The following SLC49A4 variants were observed in gnomAD, a reference collection of about 807,000 sequenced individuals.
The protein encoded by SLC49A4 is disrupted in renal cancer protein 2.
A neutral mutation model predicts 50.6 loss-of-function variants in SLC49A4; 36 were observed. The ratio of observed to expected loss-of-function variants is 0.71; its 90% CI spans 0.55 to 0.94. The LOEUF (loss-of-function observed/expected upper bound fraction) is 0.94. Among genes scored for constraint, SLC49A4 ranks in the 40% least tolerant of loss-of-function variants. The pLI, the probability that SLC49A4 is intolerant of heterozygous loss-of-function variation, is 0.00. For synonymous variants in SLC49A4, 248 were observed against 241.2 expected (o/e 1.03, Z -0.26); for missense variants, 503 against 605.7 (o/e 0.83, Z 1.78).
intron 4 of SLC49A4, among the ~76,000 whole-genome samples, chr3:122,844,899 A>G (rs931663429): frequency 6.6e-6 from 1 of 151,998 alleles, no homozygotes; most frequent in Non-Finnish European, 1.5e-5. Flanking sequence ...ACCTGTACAT[A>G]CACATATTGT....
At chr3:122,810,324 T>C (rs1489185477) in intron 2 of SLC49A4, among the ~76,000 whole-genome samples, 1 of 152,208 alleles carries the variant, frequency 6.6e-6, no homozygotes, top group East Asian at 1.9e-4. Context: ...TATAACATCT[T>C]AGATAAATAA....
intron 4 of SLC49A4, among the ~76,000 whole-genome samples, chr3:122,840,524 A>G (rs1208080760): frequency 6.6e-6 from 1 of 152,206 alleles, no homozygotes; most frequent in Non-Finnish European, 1.5e-5. Context: ...GTTCTAAGAA[A>G]TGAGTAAAAT....
chr3:122,867,657 C>T (rs2107582319), intron 7 of SLC49A4, among the ~76,000 whole-genome samples: 1 of 152,252 alleles, frequency 6.6e-6, no homozygotes, highest in South Asian at 2.1e-4. Context: ...ACCACTGATC[C>T]CCAAAGTTTT....
chr3:122,826,946 C>T lies in SLC49A4; in HGVS notation c.584C>T (p.Ala195Val). 1 of 1,614,232 alleles carries T rather than the reference C, an allele frequency of 6.2e-7. No homozygotes were observed. Among genetic ancestry groups the T allele is most frequent in the South Asian group, 1.1e-5 (1 of 91,086 alleles). The change falls in exon 3 of 9, where the codon GCA becomes GTA. Residue 195 changes from alanine (A) to valine (V), a missense_variant. Transcript: ENST00000261038. ...IASMLSYLGG[A>V]CAFLVGPLVV... ...TCAATGCTCAGTTATCTTGGGGGAGCATGTGCATTTTTAGTTGGACCACTT... is the reference window on the plus strand; with the variant it reads ...TCAATGCTCAGTTATCTTGGGGGAGTATGTGCATTTTTAGTTGGACCACTT...
intron 4 of SLC49A4, among the ~76,000 whole-genome samples, chr3:122,841,629 C>G (rs1936771286): frequency 6.6e-6 from 1 of 152,206 alleles, no homozygotes; most frequent in Non-Finnish European, 1.5e-5. Context: ...ATTAAAAACT[C>G]AGTTCCTTGG....
intron 5 of SLC49A4, among the ~76,000 whole-genome samples, chr3:122,849,001 A>G (rs1315739143): frequency 6.6e-6 from 1 of 152,172 alleles, no homozygotes; most frequent in Non-Finnish European, 1.5e-5. Context: ...CTATCATTCT[A>G]CATTCTGCTT....
chr3:122,835,846 TA>T (rs1159306769), intron 4 of SLC49A4, among the ~76,000 whole-genome samples: 1 of 152,082 alleles, frequency 6.6e-6, no homozygotes. Flanking sequence ...ATCATATACC[TA>T]AAAAACCCTA....
At chr3:122,800,149 TAA>T (rs1936110440) in intron 1 of SLC49A4, among the ~76,000 whole-genome samples, 1 of 152,086 alleles carries the variant, frequency 6.6e-6, no homozygotes, top group Non-Finnish European at 1.5e-5. Context: ...AAGAAAAATA[TAA>T]AAAGTGTCTT....
At chr3:122,796,426 C>T (rs909230556) in intron 1 of SLC49A4, among the ~76,000 whole-genome samples, 3 of 152,154 alleles carry the variant, frequency 2.0e-5, no homozygotes, top group Non-Finnish European at 2.9e-5. Context: ...TCCACTGGAG[C>T]TGCTATAACA....
chr3:122,803,683 G>C (rs1420885637), intron 1 of SLC49A4, among the ~76,000 whole-genome samples: 1 of 152,186 alleles, frequency 6.6e-6, no homozygotes, highest in Non-Finnish European at 1.5e-5. Flanking sequence ...GCCTGTTGCT[G>C]ATTTTCCATG....
At chr3:122,796,178 A>G (rs893277370) in intron 1 of SLC49A4, among the ~76,000 whole-genome samples, 9 of 152,216 alleles carry the variant, frequency 5.9e-5, no homozygotes, top group African/African-American at 2.2e-4. Context: ...TCACTTTACC[A>G]CTTGCCAGTG....
chr3:122,872,900 C>T (rs1003242951), intron 8 of SLC49A4, among the ~76,000 whole-genome samples: 2 of 151,854 alleles, frequency 1.3e-5, no homozygotes, highest in African/African-American at 2.4e-5. Flanking sequence ...CACGCCTTAC[C>T]CTACCAGGTG....
intron 1 of SLC49A4, among the ~76,000 whole-genome samples, chr3:122,802,251 A>G (rs992033853): frequency 2.0e-5 from 3 of 152,208 alleles, no homozygotes; most frequent in African/African-American, 7.2e-5. Context: ...GATCCCTATG[A>G]CTGCTTCAGT....
intron 6 of SLC49A4, among the ~76,000 whole-genome samples, chr3:122,856,719 C>G (rs1275899256): frequency 1.3e-5 from 2 of 151,896 alleles, no homozygotes; most frequent in African/African-American, 2.4e-5. Context: ...GCCTGTAGTC[C>G]CAGCTACCAG....
chr3:122,856,191 T>G (rs1214569808), intron 5 of SLC49A4, 116 bp from the exon 6 acceptor site: 1 of 858,516 alleles, frequency 1.2e-6, no homozygotes, highest in Non-Finnish European at 1.9e-6. Flanking sequence ...ACACATGAAT[T>G]CTTTTATTTC....
chr3:122,823,233 T>C (rs1322682477), intron 2 of SLC49A4, among the ~76,000 whole-genome samples: 2 of 152,258 alleles, frequency 1.3e-5, no homozygotes, highest in African/African-American at 2.4e-5. Flanking sequence ...ATCCCTGCTG[T>C]GTACTTCCTA....
chr3:122,813,004 C>T (rs1191734624), intron 2 of SLC49A4, among the ~76,000 whole-genome samples: 1 of 152,132 alleles, frequency 6.6e-6, no homozygotes, highest in East Asian at 1.9e-4. Flanking sequence ...AATCCCAGTA[C>T]TTTGGGAGGT....
intron 4 of SLC49A4, among the ~76,000 whole-genome samples, chr3:122,837,872 AC>A (rs1268187835): frequency 2.0e-5 from 3 of 152,230 alleles, no homozygotes; most frequent in Non-Finnish European, 2.9e-5. Context: ...CAAGAAAAAA[AC>A]AACCCCATCA....
At chr3:122,845,271 C>A (rs1936831860) in intron 4 of SLC49A4, among the ~76,000 whole-genome samples, 1 of 152,152 alleles carries the variant, frequency 6.6e-6, no homozygotes, top group African/African-American at 2.4e-5. Context: ...CCTGCTCCAT[C>A]CGTGTTGCTG....
Sources: gnomAD v4.1 joint callset for allele counts (sites outside exome capture counted in the v4.1 genomes callset) on GRCh38, gnomAD v4.1.1 for gene constraint, MANE v1.5 for transcripts, NCBI Gene and HGNC (gene_info 2026-07-23, HGNC 2026-07-21) for gene names.